MYO10: variants seen among roughly 807,000 people sequenced by gnomAD.
MYO10 encodes unconventional myosin-X.
In MYO10, 133 loss-of-function variants were observed where a neutral mutation model predicts 257.3. The observed-to-expected ratio is 0.52, with a 90% CI of 0.45 to 0.60. The LOEUF is 0.60. MYO10 is among the 20% of genes least tolerant of loss of function. MYO10 has a pLI of 0.00. For synonymous variants in MYO10, 1,104 were observed against 1,028.6 expected, an observed-to-expected ratio of 1.07 and a Z score of -1.40; for missense variants, 2,399 against 2,635.7, an observed-to-expected ratio of 0.91 and a Z score of 1.97.
chr5:16,786,385 A>G (rs887017069), intron 4 of MYO10, among the ~76,000 whole-genome samples: 4 of 152,196 alleles, frequency 2.6e-5, no homozygotes, highest in African/African-American at 9.6e-5. Flanking sequence ...ATGGATATCA[A>G]TCTCTGTCAA....
In MYO10 at chr5:16,788,186, G is replaced by A. The variant is rs547191702; in HGVS notation, c.468-4717C>T. ...AAGGTGATGCGGGAAGGGCCGCGGG[G>A]GCAGCAGAGATGAAGTGAGAGGCCC... On this transcript the variant is annotated intron_variant, in intron 4 of 40. Coordinates refer to ENST00000513610, the MANE Select transcript of MYO10 (RefSeq NM_012334.3). Among the ~76,000 whole-genome samples the A allele has an allele frequency of 3.3e-5, 5 of 152,274 alleles. No homozygotes were observed. In the East Asian group the frequency reaches 9.7e-4, roughly 29 times the overall value.
Position 16,701,731 on chromosome 5 carries a change from T to A in MYO10, c.2664A>T (p.Glu888Asp), listed in dbSNP as rs530853605. Residue 888 changes from glutamate to aspartate, a missense_variant, in exon 25 of 41, where the codon GAA becomes GAT. Physicochemically the swap from Glu to Asp is conservative, Grantham distance 45. This residue lies in a region of MYO10 where 1,820 missense variants were observed against 1,939.4 expected (regional missense o/e 0.94). Transcript: ENST00000513610. This position sits in a 1 kb window ranked among gnomAD's most constrained non-coding sequence, Gnocchi z 8.1. ...LEKQKENKQV[E>D]EILRLEKEIE... Reference sequence around the variant, plus strand: ...TTTCTTTCTCCAGACGGAGGATCTCTTCCACCTGCTTATTTTCCTTCTGTT... The same window carrying A: ...TTTCTTTCTCCAGACGGAGGATCTCATCCACCTGCTTATTTTCCTTCTGTT... The A allele has an allele frequency of 6.2e-7, 1 of 1,614,024 alleles. No individual in the cohort carries two copies. Among genetic ancestry groups the A allele is most frequent in the African/African-American group, 1.3e-5 (1 of 75,066 alleles).
intron 24 of MYO10, 148 bp downstream of exon 24, chr5:16,702,395 G>C: frequency 1.3e-6 from 1 of 744,754 alleles, no homozygotes; most frequent in South Asian, 1.9e-5. Context: ...ATTGTAATAG[G>C]TCAGAAATTG....
intron 1 of MYO10, among the ~76,000 whole-genome samples, chr5:16,880,921 C>T (rs1561035635): frequency 6.6e-6 from 1 of 152,132 alleles, no homozygotes; most frequent in African/African-American, 2.4e-5. Context: ...TGACTTTTTT[C>T]GGCCTCTCTT....
At chr5:16,822,833 G>A (rs967470589) in intron 2 of MYO10, among the ~76,000 whole-genome samples, 2 of 151,840 alleles carry the variant, frequency 1.3e-5, no homozygotes, top group African/African-American at 2.4e-5. Flanking sequence ...GACTACAGGC[G>A]CCCGCAACCA....
At chr5:16,795,202 G>GT (rs1741901654) in intron 3 of MYO10, among the ~76,000 whole-genome samples, 2 of 152,214 alleles carry the variant, frequency 1.3e-5, no homozygotes, top group African/African-American at 4.8e-5. Flanking sequence ...GAAACAGCAT[G>GT]GTTAAAAAGT....
chr5:16,919,516 T>A (rs777360956), intron 1 of MYO10, among the ~76,000 whole-genome samples: 12 of 152,134 alleles, frequency 7.9e-5, no homozygotes, highest in Admixed American at 5.9e-4. Context: ...GCAGACTACC[T>A]CCCTTCTCTA....
At chr5:16,716,439 T>A (rs1738876011) in intron 19 of MYO10, among the ~76,000 whole-genome samples, 3 of 147,916 alleles carry the variant, frequency 2.0e-5, no homozygotes. Flanking sequence ...TATTTATGTA[T>A]CAATGAATCC....
chr5:16,711,439 C>G (rs985784175), intron 19 of MYO10, among the ~76,000 whole-genome samples, 194 bp from the exon 20 acceptor site: 2 of 152,162 alleles, frequency 1.3e-5, no homozygotes, highest in Admixed American at 1.3e-4. Context: ...AACCGTCAAC[C>G]CCTGCCAATC....
At chr5:16,732,977 T>C (rs1437930487) in intron 19 of MYO10, among the ~76,000 whole-genome samples, 2 of 151,960 alleles carry the variant, frequency 1.3e-5, no homozygotes, top group African/African-American at 4.8e-5. Flanking sequence ...CTACTAAAAG[T>C]ACAAAAATTA....
intron 19 of MYO10, among the ~76,000 whole-genome samples, chr5:16,748,112 C>A (rs1235925940): frequency 6.6e-6 from 1 of 152,088 alleles, no homozygotes; most frequent in Admixed American, 6.6e-5. Flanking sequence ...CTGTGTTGCA[C>A]AGGCCGAAGT....
chr5:16,675,199 G>C (rs555984611), intron 34 of MYO10, 49 bp from the exon 35 acceptor site: 2 of 1,589,660 alleles, frequency 1.3e-6, no homozygotes, highest in African/African-American at 2.7e-5. Context: ...GTTCAGAATA[G>C]GGCATGAGCA....
In MYO10 at chr5:16,742,267, T is replaced by C; in HGVS notation, c.1929+12561A>G. 6.1e-6 allele frequency: 6 copies of C among 983,680 alleles called. No individual in the cohort carries two copies. The South Asian group carries it at 1.9e-4, about 31-fold the overall frequency. The allele number at this position is 983,680 out of a possible 1,614,324, so 60.9% of individuals were successfully genotyped here. On this transcript the variant is annotated intron_variant, in intron 19 of 40. Coordinates refer to ENST00000513610, the MANE Select transcript of MYO10 (RefSeq NM_012334.3). Reference sequence around the variant, plus strand: ...ACTCGCTGCAATTTATCCTGATCTCTACAGAGCTCTGATGAATAGTTTCCA... The same window carrying C: ...ACTCGCTGCAATTTATCCTGATCTCCACAGAGCTCTGATGAATAGTTTCCA...
chr5:16,773,549 C>CTA (rs1315877794), intron 9 of MYO10, among the ~76,000 whole-genome samples: 1 of 151,480 alleles, frequency 6.6e-6, no homozygotes, highest in Non-Finnish European at 1.5e-5. Context: ...GTACTCCCAG[C>CTA]TACTTGGGAG....
intron 1 of MYO10, among the ~76,000 whole-genome samples, chr5:16,926,177 T>G (rs1746126458): frequency 6.6e-6 from 1 of 152,224 alleles, no homozygotes; most frequent in Non-Finnish European, 1.5e-5. Flanking sequence ...TAAATATTTT[T>G]TTCAAAGTTT....
rs70940395 is a variant in MYO10 at position 16,663,328 on chromosome 5, G to GTTTTTTTTTTTTTTTTTTTTTTTTTTTTT, written c.*3335_*3363dup. ...AAAAAGTAACATTTTACTTCTAGTT[G>GTTTTTTTTTTTTTTTTTTTTTTTTTTTTT]TTTTTTTTTTTTTTTTTTTTTTTTT... On this transcript the variant is annotated 3_prime_UTR_variant, in exon 41 of 41. Coordinates refer to ENST00000513610, the MANE Select transcript of MYO10 (RefSeq NM_012334.3). The GTTTTTTTTTTTTTTTTTTTTTTTTTTTTT allele has an allele frequency of 1.3e-5, 1 of 76,888 alleles. No homozygotes were observed. The highest frequency in any genetic ancestry group is 2.3e-5 in the Non-Finnish European group (1 of 43,474). The allele number at this position is 76,888 out of a possible 1,614,324, so 4.8% of individuals were successfully genotyped here.
chr5:16,820,184 G>A (rs1742755829), intron 2 of MYO10, among the ~76,000 whole-genome samples: 1 of 152,192 alleles, frequency 6.6e-6, no homozygotes, highest in Non-Finnish European at 1.5e-5. Context: ...TCAACACCAT[G>A]GAAGAAAGTT....
intron 1 of MYO10, among the ~76,000 whole-genome samples, chr5:16,924,734 T>A (rs896804582): frequency 6.6e-6 from 1 of 151,590 alleles, no homozygotes; most frequent in Non-Finnish European, 1.5e-5. Flanking sequence ...CAGAAACTCC[T>A]CAAATAAAGT....
intron 1 of MYO10, among the ~76,000 whole-genome samples, chr5:16,919,237 T>C (rs13154383): frequency 0.069 from 10,483 of 151,586 alleles, 431 homozygotes; most frequent in African/African-American, 0.11. Flanking sequence ...AATTAGCTGG[T>C]CGTGGTGGCA....
Sources: allele counts gnomAD v4.1 joint callset (sites outside exome capture counted in the v4.1 genomes callset), GRCh38; gene constraint gnomAD v4.1.1; regional missense constraint gnomAD v4.1.1; non-coding constraint Gnocchi (gnomAD v3.1); transcripts MANE v1.5; gene names NCBI Gene and HGNC (gene_info 2026-07-23, HGNC 2026-07-21).